FBXL3: variants seen among roughly 807,000 people sequenced by gnomAD.
The protein encoded by FBXL3 is F-box and leucine rich repeat protein 3.
In FBXL3, 14 loss-of-function variants were observed where a neutral mutation model predicts 37.9. The observed-to-expected ratio is 0.37, with a 90% CI of 0.24 to 0.58. FBXL3 has a LOEUF of 0.58. Ranked by LOEUF, FBXL3 falls within the 20% of genes least tolerant of loss-of-function variation. FBXL3 has a pLI of 0.74. For synonymous variants in FBXL3, 194 were observed against 180.1 expected (o/e 1.08, Z -0.62); for missense variants, 327 against 511.1 (o/e 0.64, Z 3.47).
Position 77,016,127 on chromosome 13 carries a change from T to C in FBXL3, c.472-547A>G, listed in dbSNP as rs139902906. 291 of 152,326 alleles carry C rather than the reference T, an allele frequency of 1.9e-3. 1 individual carries two copies. Among genetic ancestry groups the C allele is most frequent in the African/African-American group, 6.6e-3 (273 of 41,564 alleles). 9.4% of individuals were successfully genotyped at this position (152,326 alleles called of 1,614,324 possible). A position where few individuals can be genotyped will look rare whatever the true frequency, so the allele number is the denominator to read the frequency against. ...ATTCCAAGTTTAAAACTCCTTCAAA[T>C]GTTATCTACAATATTTTCAAGTCTT... On this transcript the variant is annotated intron_variant, in intron 3 of 4. Transcript: ENST00000355619.
chr13:77,014,202 G>A (rs1171837135), intron 4 of FBXL3: 1 of 152,174 alleles, frequency 6.6e-6, no homozygotes, highest in South Asian at 2.1e-4. Flanking sequence ...AAAGTGTACT[G>A]AGCAACCACA....
At chr13:77,013,985 C>T (rs1373252926) in intron 4 of FBXL3, 2 of 152,182 alleles carry the variant, frequency 1.3e-5, no homozygotes, top group African/African-American at 2.4e-5. Context: ...GACATAAAGA[C>T]TCATACAATG....
In FBXL3 at chr13:77,007,732, G is replaced by A. The variant is rs758028722; in HGVS notation, c.700C>T (p.His234Tyr). ...HGLRELALNY[H>Y]LLSDELLLAL... ...AGTAACAACTCATCACTCAATAAGT[G>A]GTAGTTCAGGGCTAGTTCTCTTAAG... Residue 234 changes from histidine to tyrosine, a missense_variant, in exon 5 of 5, where the codon CAC (histidine) becomes TAC (tyrosine). Transcript: ENST00000355619. The A allele has an allele frequency of 6.2e-7, 1 of 1,613,756 alleles. No individual in the cohort carries two copies. The highest frequency in any genetic ancestry group is 1.1e-5 in the South Asian group (1 of 91,058).
In FBXL3 at chr13:77,018,682, A is replaced by G; in HGVS notation, c.389T>C (p.Ile130Thr). 3 of 1,595,676 alleles carry G rather than the reference A, an allele frequency of 1.9e-6. No individual in the cohort carries two copies. The highest frequency in any genetic ancestry group is 2.6e-6 in the Non-Finnish European group (3 of 1,171,676). The change falls in exon 3 of 5, where the codon ATA becomes ACA. Residue 130 changes from isoleucine (I) to threonine (T), a missense_variant. Coordinates refer to ENST00000355619, the MANE Select transcript of FBXL3 (RefSeq NM_012158.4). Reference sequence around the variant, plus strand: ...AGAGCAATTCACAAGTTGCGATAGTATATCACAAGCTGCTTCAGCTGATTC... The same window carrying G: ...AGAGCAATTCACAAGTTGCGATAGTGTATCACAAGCTGCTTCAGCTGATTC... ...SKESAEAACD[I>T]LSQLVNCSLK...
chr13:77,018,702 T>C lies in FBXL3; in HGVS notation c.369A>G (p.Ser123=). ...VSFKVDSSKE[S]AEAACDILSQ... is the part of the protein sequence containing the mutation. ...ATAGTATATCACAAGCTGCTTCAGC[T>C]GATTCCTTGCTGCTGTCCACCTTAG... Residue 123 remains serine, a synonymous_variant, in exon 3 of 5, where the codon TCA becomes TCG. Transcript: ENST00000355619. 2 of 1,585,626 alleles carry C rather than the reference T, an allele frequency of 1.3e-6. No individual in the cohort carries two copies. The highest frequency in any genetic ancestry group is 2.4e-5 in the South Asian group (2 of 84,890).
chr13:77,014,425 C>A (rs1449121804), intron 4 of FBXL3: 1 of 152,218 alleles, frequency 6.6e-6, no homozygotes. Context: ...AAAGCCTATT[C>A]TTAACTTCTG....
At chr13:77,014,643 G>GT (rs2034612474) in intron 4 of FBXL3, 1 of 152,196 alleles carries the variant, frequency 6.6e-6, no homozygotes, top group Non-Finnish European at 1.5e-5. Context: ...GGTTGGAAGT[G>GT]TTTTTGTAAA....
At chr13:77,012,642 A>C (rs1053402560) in intron 4 of FBXL3, among the ~76,000 whole-genome samples, 1 of 152,242 alleles carries the variant, frequency 6.6e-6, no homozygotes, top group East Asian at 1.9e-4. Context: ...TTCAGTGAGG[A>C]AAGTAGAATA....
At position 77,006,995 on chromosome 13, in the gene FBXL3, G is replaced by A; in HGVS notation, c.*150C>T. On this transcript the variant is annotated 3_prime_UTR_variant, in exon 5 of 5. Coordinates refer to ENST00000355619, the MANE Select transcript of FBXL3 (RefSeq NM_012158.4). The stretch of plus-strand genomic sequence containing the variant: ...ATTTTCTGACCAAAACTCATTCATG[G>A]GTCTTCCGATAAACAATCTTTACAT... The A allele has an allele frequency of 7.1e-7, 1 of 1,413,432 alleles. No homozygotes were observed. Among genetic ancestry groups the A allele is most frequent in the South Asian group, 1.6e-5 (1 of 60,666 alleles). 87.6% of individuals were successfully genotyped at this position (1,413,432 alleles called of 1,614,324 possible). A position where few individuals can be genotyped will look rare whatever the true frequency, so the allele number is the denominator to read the frequency against.
intron 4 of FBXL3, among the ~76,000 whole-genome samples, chr13:77,012,171 G>A (rs1470368966): frequency 1.1e-4 from 17 of 152,180 alleles, no homozygotes; most frequent in Admixed American, 1.1e-3. Context: ...TTCTAAAATT[G>A]TGGTGATGCA....
chr13:77,011,344 C>CAA lies in FBXL3; in HGVS notation c.644-3558_644-3557dup, dbSNP rs34255078. 1.4e-3 allele frequency among the ~76,000 whole-genome samples: 102 copies of CAA among 74,936 alleles called. 1 individual carries two copies. The highest frequency in any genetic ancestry group is 8.1e-3 in the Middle Eastern group (1 of 124). 49.2% of individuals were successfully genotyped at this position (74,936 alleles called of 152,430 possible). On this transcript the variant is annotated intron_variant, in intron 4 of 4. Coordinates refer to ENST00000355619, the MANE Select transcript of FBXL3 (RefSeq NM_012158.4). ...GGCAACAAGAAGGAGACTTTGTCTC[C>CAA]AAAAAAAAAAAAAAAAAATAGGCAA...
chr13:77,014,035 TAC>T (rs1355999168), intron 4 of FBXL3: 1 of 152,214 alleles, frequency 6.6e-6, no homozygotes, highest in African/African-American at 2.4e-5. Flanking sequence ...GTTCTGGAAA[TAC>T]ACAGGTAGGA....
At chr13:77,025,449 G>A (rs2034819626) in intron 1 of FBXL3, among the ~76,000 whole-genome samples, 1 of 152,096 alleles carries the variant, frequency 6.6e-6, no homozygotes, top group African/African-American at 2.4e-5. Flanking sequence ...CCAGGTGGGC[G>A]CGGTGGGCCA....
chr13:77,019,881 A>G (rs899836966), intron 2 of FBXL3, among the ~76,000 whole-genome samples: 1 of 151,950 alleles, frequency 6.6e-6, no homozygotes, highest in African/African-American at 2.4e-5. Flanking sequence ...CTTTTGCACA[A>G]ATGATTTTAT....
chr13:77,017,138 A>C (rs1375273489), intron 3 of FBXL3: 1 of 152,146 alleles, frequency 6.6e-6, no homozygotes. Context: ...CTTCTACCAA[A>C]GCCATAAAAG....
At chr13:77,020,348 G>C (rs573240610) in intron 2 of FBXL3, among the ~76,000 whole-genome samples, 2 of 152,024 alleles carry the variant, frequency 1.3e-5, no homozygotes, top group Non-Finnish European at 2.9e-5. Flanking sequence ...TGGCCTAAGC[G>C]CCTTTGTGCA....
chr13:77,014,607 A>AG (rs2034611911), intron 4 of FBXL3: 1 of 152,234 alleles, frequency 6.6e-6, no homozygotes, highest in African/African-American at 2.4e-5. Context: ...TCTTAGGAGA[A>AG]GGCTGACCTT....
chr13:77,024,827 G>A (rs77983849), intron 1 of FBXL3, among the ~76,000 whole-genome samples: 3,141 of 152,122 alleles, frequency 0.021, 64 homozygotes, highest in Non-Finnish European at 0.032. Flanking sequence ...TACGTAATAT[G>A]TCTATGTTAC....
chr13:77,025,293 C>CATTTAG (rs1039197687), intron 1 of FBXL3, among the ~76,000 whole-genome samples: 8 of 152,172 alleles, frequency 5.3e-5, no homozygotes, highest in African/African-American at 1.7e-4. Flanking sequence ...TTCTAGGCCC[C>CATTTAG]AAATAATGCA....
Sources: allele counts gnomAD v4.1 joint callset (sites outside exome capture counted in the v4.1 genomes callset), GRCh38; gene constraint gnomAD v4.1.1; transcripts MANE v1.5; gene names NCBI Gene and HGNC (gene_info 2026-07-23, HGNC 2026-07-21).